ABCC1: variants seen among roughly 807,000 people sequenced by gnomAD.
ABCC1 encodes the protein ATP binding cassette subfamily C member 1 (ABCC1 blood group).
ABCC1 carries 83 observed loss-of-function variants against 172.9 expected under a neutral mutation model. The ratio of observed to expected loss-of-function variants is 0.48; its 90% CI spans 0.40 to 0.58. The LOEUF is 0.58. ABCC1 is among the 20% of genes least tolerant of loss of function. The probability of loss-of-function intolerance (pLI) is 0.00; values close to 1 mark genes in which losing one functional copy is unlikely to be tolerated. For missense variants in ABCC1, 1,817 were observed against 2,002.7 expected, an observed-to-expected ratio of 0.91 and a Z score of 1.77; for synonymous variants, 937 against 825.2, an observed-to-expected ratio of 1.14 and a Z score of -2.32.
chr16:16,037,963 T>C (rs961766659), intron 7 of ABCC1, among the ~76,000 whole-genome samples: 2 of 152,174 alleles, frequency 1.3e-5, no homozygotes, highest in African/African-American at 4.8e-5. Context: ...ATGGCCCATG[T>C]CCATGACCCA....
chr16:16,044,704 G>A, intron 8 of ABCC1, 24 bp downstream of exon 8: 2 of 1,600,758 alleles, frequency 1.2e-6, no homozygotes, highest in Non-Finnish European at 1.7e-6. Flanking sequence ...CCTCCCAGGT[G>A]GGCTCCATTT....
chr16:16,125,994 C>G, intron 26 of ABCC1, 83 bp downstream of exon 26: 1 of 972,676 alleles, frequency 1.0e-6, no homozygotes, highest in East Asian at 2.6e-5. Context: ...TCCTGTGCAC[C>G]TCTGCCTCTG....
At chr16:16,058,726 C>G (rs1360687745) in intron 12 of ABCC1, among the ~76,000 whole-genome samples, 2 of 152,344 alleles carry the variant, frequency 1.3e-5, no homozygotes, top group East Asian at 3.9e-4. Flanking sequence ...TCTTGGCTCA[C>G]TGCAATCTCT....
chr16:16,137,839 C>T (rs1000871041), intron 29 of ABCC1, among the ~76,000 whole-genome samples: 12 of 151,746 alleles, frequency 7.9e-5, no homozygotes, highest in Non-Finnish European at 1.3e-4. Context: ...AGGTGTGAGC[C>T]ACTGTGCCCG....
intron 1 of ABCC1, among the ~76,000 whole-genome samples, chr16:15,960,599 A>T (rs1196345692): frequency 6.6e-6 from 1 of 152,092 alleles, no homozygotes; most frequent in East Asian, 1.9e-4. Flanking sequence ...AAAGACTTGA[A>T]CCGGGAAAAA....
intron 5 of ABCC1, among the ~76,000 whole-genome samples, chr16:16,025,409 C>T (rs553254660): frequency 2.6e-5 from 4 of 152,140 alleles, no homozygotes; most frequent in Admixed American, 1.3e-4. Flanking sequence ...GGGTGGGGCC[C>T]GAGCATCTGC....
Position 16,035,301 on chromosome 16 carries a change from G to A in ABCC1, c.678-1171G>A, listed in dbSNP as rs189018867. ...AATCCCAGCTACTTGGGAGGGTGAGGCAGGAGAATTGCTAGAATACAGGAG... is the reference window on the plus strand; with the variant it reads ...AATCCCAGCTACTTGGGAGGGTGAGACAGGAGAATTGCTAGAATACAGGAG... On this transcript the variant is annotated intron_variant, in intron 6 of 30. Transcript: ENST00000399410. 1.7e-3 allele frequency among the ~76,000 whole-genome samples: 261 copies of A among 152,060 alleles called. 1 individual carries two copies. The highest frequency in any genetic ancestry group is 6.0e-3 in the African/African-American group (248 of 41,492).
At position 16,114,875 on chromosome 16, in the gene ABCC1, CT is replaced by C. The variant is rs1256794382; in HGVS notation, c.3192del (p.Phe1064LeufsTer10). On this transcript the variant is annotated frameshift_variant, in exon 23 of 31. Transcript: ENST00000399410. LOFTEE classifies it high-confidence loss of function. ...HSILRSPMSFFERTPSGNLVN... is the reference protein window; with the variant it reads ...HSILRSPMSFXERTPSGNLVN... The stretch of plus-strand genomic sequence containing the variant: ...GCATCCTGCGGTCACCCATGAGCTT[CT>C]TTGAGCGGACCCCCAGTGGGAACCT... The C allele has an allele frequency of 6.2e-7, 1 of 1,613,836 alleles. No individual in the cohort carries two copies. Among genetic ancestry groups the C allele is most frequent in the Non-Finnish European group, 8.5e-7 (1 of 1,179,940 alleles).
At chr16:16,036,659 T>G (rs920669207) in intron 7 of ABCC1, 56 bp downstream of exon 7, 2 of 1,585,736 alleles carry the variant, frequency 1.3e-6, no homozygotes, top group African/African-American at 2.7e-5. Flanking sequence ...TTTCCACTCC[T>G]GTGGCCTCAA....
chr16:15,973,250 A>C (rs1023431464), intron 1 of ABCC1, among the ~76,000 whole-genome samples: 2 of 152,162 alleles, frequency 1.3e-5, no homozygotes, highest in African/African-American at 4.8e-5. Context: ...ACTACTAAGA[A>C]AAAAAGATAT....
intron 11 of ABCC1, among the ~76,000 whole-genome samples, chr16:16,055,866 C>T (rs1298022874): frequency 6.6e-6 from 1 of 151,338 alleles, no homozygotes; most frequent in Non-Finnish European, 1.5e-5. Context: ...GAAGTTGAGG[C>T]CCAGTGCGGT....
intron 5 of ABCC1, 147 bp downstream of exon 5, chr16:16,016,768 T>A: frequency 8.0e-7 from 1 of 1,248,890 alleles, no homozygotes; most frequent in Non-Finnish European, 1.1e-6. Context: ...CCACCTACTT[T>A]ACAGATGGAA....
Position 16,102,673 on chromosome 16 carries a change from G to A in ABCC1, c.2691G>A (p.Glu897=). Residue 897 remains glutamate (E), a synonymous_variant, in exon 20 of 31, where the codon GAG becomes GAA. Coordinates refer to ENST00000399410, the MANE Select transcript of ABCC1 (RefSeq NM_004996.4). The stretch of plus-strand genomic sequence containing the variant: ...CAGGGAAGGAAGCAAAGCAAATGGA[G>A]AATGGCATGCTGGTGACGGACAGTG... The part of the protein sequence containing the change: ...SGPGKEAKQM[E]NGMLVTDSAG... 1 of 1,592,504 alleles carries A rather than the reference G, an allele frequency of 6.3e-7. No individual in the cohort carries two copies.
intron 1 of ABCC1, among the ~76,000 whole-genome samples, chr16:15,974,329 C>T (rs2046435336): frequency 6.6e-6 from 1 of 152,110 alleles, no homozygotes; most frequent in Admixed American, 6.6e-5. Context: ...TATCAGAGAT[C>T]AGGCTGCTGG....
Position 16,045,817 on chromosome 16 carries a change from T to C in ABCC1, c.1041-19T>C, listed in dbSNP as rs1472246608. The C allele has an allele frequency of 6.2e-7, 1 of 1,612,418 alleles. No individual in the cohort carries two copies. The highest frequency in any genetic ancestry group is 1.3e-5 in the African/African-American group (1 of 74,894). ...ACGTGTCACAAGTCATTCCAGGCCCTCTCTTTGCTCCTTTGCAGGTTGCTC... is the reference window on the plus strand; with the variant it reads ...ACGTGTCACAAGTCATTCCAGGCCCCCTCTTTGCTCCTTTGCAGGTTGCTC... On this transcript the variant is annotated intron_variant, in intron 8 of 30. Coordinates refer to ENST00000399410, the MANE Select transcript of ABCC1 (RefSeq NM_004996.4).
intron 21 of ABCC1, among the ~76,000 whole-genome samples, chr16:16,107,677 C>G (rs1011342475): frequency 6.6e-6 from 1 of 152,152 alleles, no homozygotes; most frequent in South Asian, 2.1e-4. Context: ...CTATCAACCA[C>G]TATCCTCTCT....
At chr16:16,096,216 G>C (rs972183633) in intron 19 of ABCC1, among the ~76,000 whole-genome samples, 1 of 145,498 alleles carries the variant, frequency 6.9e-6, no homozygotes, top group African/African-American at 2.5e-5. Flanking sequence ...GTAACAGAGC[G>C]AGACTGTCTC....
chr16:16,093,566 T>C (rs1430457006), intron 19 of ABCC1, among the ~76,000 whole-genome samples: 2 of 152,238 alleles, frequency 1.3e-5, no homozygotes, highest in East Asian at 1.9e-4. Context: ...GCCTTTGAGG[T>C]TACATAGAAG....
intron 7 of ABCC1, among the ~76,000 whole-genome samples, chr16:16,043,425 A>G (rs1195757148): frequency 6.6e-6 from 1 of 151,324 alleles, no homozygotes; most frequent in Non-Finnish European, 1.5e-5. Context: ...CAGCCTCCCA[A>G]GTAGCTGGGA....
Sources: allele counts gnomAD v4.1 joint callset (sites outside exome capture counted in the v4.1 genomes callset), GRCh38; gene constraint gnomAD v4.1.1; transcripts MANE v1.5; gene names NCBI Gene and HGNC (gene_info 2026-07-23, HGNC 2026-07-21).